LRRC9: variants seen among roughly 807,000 people sequenced by gnomAD.
LRRC9 encodes leucine-rich repeat-containing protein 9.
Under a neutral mutation model 63.2 loss-of-function variants are expected in LRRC9, and 122 were observed. That is an observed-to-expected ratio of 1.93 (90% CI 1.67 to 2.24). The LOEUF is 2.24. LRRC9 is among the 30% of genes most tolerant of loss of function. The probability of loss-of-function intolerance (pLI) is 0.00; values close to 1 mark genes in which losing one functional copy is unlikely to be tolerated. For missense variants in LRRC9, 1,071 were observed against 627.7 expected, an observed-to-expected ratio of 1.71 and a Z score of -7.55; for synonymous variants, 366 against 213.1, an observed-to-expected ratio of 1.72 and a Z score of -6.25.
At chr14:59,928,417 A>G (rs1018508736) in exon 3 of LRRC9, 7 of 697,802 alleles carry the variant, frequency 1.0e-5, no homozygotes, top group Admixed American at 2.0e-5. Context: ...CTCAAGATAT[A>G]AAAGAAATTT....
chr14:60,025,329 T>C (rs1418871472), intron 27 of LRRC9, among the ~76,000 whole-genome samples: 1 of 151,874 alleles, frequency 6.6e-6, no homozygotes, highest in Non-Finnish European at 1.5e-5. Context: ...CTCAGACTCC[T>C]GGCCTTAAGA....
In LRRC9 at chr14:60,017,016, G is replaced by A. The variant is rs981232198; in HGVS notation, c.3317+226G>A. 4.6e-5 allele frequency among the ~76,000 whole-genome samples: 7 copies of A among 151,700 alleles called. No homozygotes were observed. The highest frequency in any genetic ancestry group is 9.7e-5 in the African/African-American group (4 of 41,296). ...ACCTTGCAGGCTCAATCGATCCTCC[G>A]ACTATAGGCACGCACCACCAAGCAT... is the stretch of plus-strand genomic sequence containing the variant. On this transcript the variant is annotated intron_variant, in intron 24 of 31. Transcript: ENST00000445360. The surrounding 1 kb of genome is among the most constrained non-coding windows in gnomAD (Gnocchi z 4.0).
chr14:59,997,067 A>T (rs937496099), intron 17 of LRRC9, among the ~76,000 whole-genome samples: 18 of 152,156 alleles, frequency 1.2e-4, no homozygotes, highest in Non-Finnish European at 1.0e-4. Flanking sequence ...ATATGTGCAT[A>T]TAATAAAAAA....
exon 4 of LRRC9, chr14:59,931,051 A>T (rs1354306082): frequency 1.1e-5 from 4 of 373,750 alleles, no homozygotes; most frequent in Non-Finnish European, 1.9e-5. Context: ...ACAATTAAAA[A>T]TATTGAGGTA....
intron 6 of LRRC9, among the ~76,000 whole-genome samples, chr14:59,935,123 T>TAAAA (rs34044624): frequency 8.5e-6 from 1 of 117,462 alleles, no homozygotes. Flanking sequence ...TTGTTTCTAC[T>TAAAA]AAAAAAAAAA....
At chr14:59,975,424 T>C (rs566681901) in intron 13 of LRRC9, among the ~76,000 whole-genome samples, 3 of 152,024 alleles carry the variant, frequency 2.0e-5, no homozygotes, top group African/African-American at 7.2e-5. Flanking sequence ...CATTCATAGT[T>C]ACCAGTACTT....
At chr14:59,995,889 T>G (rs1359556134) in intron 17 of LRRC9, among the ~76,000 whole-genome samples, 1 of 152,088 alleles carries the variant, frequency 6.6e-6, no homozygotes, top group Non-Finnish European at 1.5e-5. Flanking sequence ...ACTACAGGTA[T>G]GCGCCACGAT....
chr14:59,971,335 C>G (rs1409939181), intron 12 of LRRC9, among the ~76,000 whole-genome samples: 1 of 151,962 alleles, frequency 6.6e-6, no homozygotes, highest in Non-Finnish European at 1.5e-5. Flanking sequence ...TACTGTAGAC[C>G]TGTAGTGTAG....
chr14:59,973,512 A>G (rs1459120349), intron 12 of LRRC9: 1 of 152,084 alleles, frequency 6.6e-6, no homozygotes. Flanking sequence ...AGATACCAAA[A>G]TCTGTGAATA....
chr14:59,983,286 G>C (rs1054723936), intron 16 of LRRC9, among the ~76,000 whole-genome samples: 8 of 152,178 alleles, frequency 5.3e-5, no homozygotes, highest in African/African-American at 1.4e-4. Context: ...GATGCCTCTA[G>C]AGTTATGCAA....
At chr14:59,978,105 T>C (rs554884728) in exon 15 of LRRC9, 112 of 702,292 alleles carry the variant, frequency 1.6e-4, no homozygotes, top group Admixed American at 5.6e-4. Context: ...TGCCGGAATA[T>C]GTTGTTGAAT....
At chr14:59,937,443 G>A (rs1264108140) in intron 6 of LRRC9, among the ~76,000 whole-genome samples, 1 of 152,094 alleles carries the variant, frequency 6.6e-6, no homozygotes, top group African/African-American at 2.4e-5. Context: ...GCTCATAGGA[G>A]GAACATCTAT....
rs1407451084 is a variant in LRRC9, at chr14:59,919,829, CCA to C, written c.-86_-85del. 6.6e-6 allele frequency: 1 copy of C among 152,392 alleles called. No individual in the cohort carries two copies. The highest frequency in any genetic ancestry group is 1.5e-5 in the Non-Finnish European group (1 of 68,174). The allele number at this position is 152,392 out of a possible 1,614,324, so 9.4% of individuals were successfully genotyped here. A position where few individuals can be genotyped will look rare whatever the true frequency, so the allele number is the denominator to read the frequency against. ...ACTGGAGGAGGTAACGAATAAGTCC[CCA>C]CCACCTTGCCCATAACGCGTTGCTT... On this transcript the variant is annotated 5_prime_UTR_variant, in exon 1 of 32. Coordinates refer to ENST00000445360, the Ensembl canonical transcript of LRRC9. The surrounding 1 kb of genome is among the most constrained non-coding windows in gnomAD (Gnocchi z 4.5).
chr14:59,930,767 T>C lies in LRRC9; in HGVS notation c.268-151T>C. The stretch of plus-strand genomic sequence containing the variant: ...ATTTAAATGGAAAACATGGAATATA[T>C]TTTTTTCTTTTAAAACAGTTCATTT... On this transcript the variant is annotated intron_variant, in intron 3 of 31. Transcript: ENST00000445360. The surrounding 1 kb of genome is among the most constrained non-coding windows in gnomAD (Gnocchi z 4.9). 3 of 221,114 alleles carry C rather than the reference T, an allele frequency of 1.4e-5. No homozygotes were observed. The South Asian group carries it at 3.4e-4, about 25-fold the overall frequency. 13.7% of individuals were successfully genotyped at this position (221,114 alleles called of 1,614,324 possible).
chr14:59,979,792 G>A (rs1886727865), intron 15 of LRRC9, among the ~76,000 whole-genome samples: 1 of 138,900 alleles, frequency 7.2e-6, no homozygotes, highest in African/African-American at 2.7e-5. Flanking sequence ...ACAGGCAGGG[G>A]AACATCACAC....
At chr14:59,955,974 T>G (rs936728405) in intron 8 of LRRC9, among the ~76,000 whole-genome samples, 3 of 152,238 alleles carry the variant, frequency 2.0e-5, no homozygotes, top group African/African-American at 4.8e-5. Flanking sequence ...AATCCTGAGT[T>G]CTATTTTAAT....
chr14:59,956,853 G>C (rs542156449), intron 8 of LRRC9, among the ~76,000 whole-genome samples: 1 of 152,120 alleles, frequency 6.6e-6, no homozygotes, highest in Non-Finnish European at 1.5e-5. Context: ...ACGTTTGCTT[G>C]TCTGTAAAGG....
rs1331732439 is a variant in LRRC9, at chr14:59,975,012, CAT to C, written c.1639+315_1639+316del. On this transcript the variant is annotated intron_variant, in intron 13 of 31. Transcript: ENST00000445360. The stretch of plus-strand genomic sequence containing the variant: ...TGCTTTTGTTTATTATGTTGTGTCA[CAT>C]ATATATATATGTGTCACAGCATATA... Among the ~76,000 whole-genome samples, 39 of 113,732 alleles carry C rather than the reference CAT, an allele frequency of 3.4e-4. 1 individual carries two copies. Among genetic ancestry groups the C allele is most frequent in the Admixed American group, 6.9e-4 (7 of 10,076 alleles). 74.6% of individuals were successfully genotyped at this position (113,732 alleles called of 152,430 possible). A position where few individuals can be genotyped will look rare whatever the true frequency, so the allele number is the denominator to read the frequency against.
chr14:60,053,004 CA>C lies in LRRC9; in HGVS notation c.3991-60del. ...CCTATGCTAAATTTCCTTCTCTATA[CA>C]GGTTAATCTTTGAAATAAAAGTTTT... is the stretch of plus-strand genomic sequence containing the variant. On this transcript the variant is annotated intron_variant, in intron 29 of 31. Coordinates refer to ENST00000445360, the Ensembl canonical transcript of LRRC9. This position sits in a 1 kb window ranked among gnomAD's most constrained non-coding sequence, Gnocchi z 4.8. 1.5e-6 allele frequency: 1 copy of C among 655,232 alleles called. No homozygotes were observed. Among genetic ancestry groups the C allele is most frequent in the Non-Finnish European group, 2.8e-6 (1 of 360,536 alleles). 40.6% of individuals were successfully genotyped at this position (655,232 alleles called of 1,614,324 possible).
Sources: gnomAD v4.1 joint callset for allele counts (sites outside exome capture counted in the v4.1 genomes callset) on GRCh38, gnomAD v4.1.1 for gene constraint, Gnocchi (gnomAD v3.1) non-coding constraint, MANE v1.5 for transcripts, NCBI Gene and HGNC (gene_info 2026-07-23, HGNC 2026-07-21) for gene names.